RAD51B: variants seen among roughly 807,000 people sequenced by gnomAD.
RAD51B encodes DNA repair protein RAD51 homolog 2.
Under a neutral mutation model 42.2 loss-of-function variants are expected in RAD51B, and 38 were observed. That is an observed-to-expected ratio of 0.90 (90% CI 0.70 to 1.18). The LOEUF (loss-of-function observed/expected upper bound fraction) is 1.18. Ranked by LOEUF, RAD51B falls within the 50% of genes most tolerant of loss-of-function variation. The pLI is 0.00. For synonymous variants in RAD51B, 154 were observed against 145.2 expected (o/e 1.06, Z -0.43); for missense variants, 373 against 400.7 (o/e 0.93, Z 0.59).
chr14:68,117,228 A>AT (rs1481322674), intron 7 of RAD51B, among the ~76,000 whole-genome samples: 1 of 152,092 alleles, frequency 6.6e-6, no homozygotes, highest in Non-Finnish European at 1.5e-5. Context: ...AGTTTTATAT[A>AT]TTTTTTATTT....
At chr14:68,437,248 C>T (rs917973677) in intron 9 of RAD51B, among the ~76,000 whole-genome samples, 6 of 151,992 alleles carry the variant, frequency 3.9e-5, no homozygotes, top group South Asian at 2.1e-4. Context: ...CAGAAGCTTC[C>T]GCATCTATTG....
intron 7 of RAD51B, among the ~76,000 whole-genome samples, chr14:68,283,279 T>C (rs780258929): frequency 3.3e-5 from 5 of 152,130 alleles, no homozygotes; most frequent in Non-Finnish European, 5.9e-5. Context: ...CCTCTGCCTT[T>C]CTATGGGACT....
rs35948063 is a variant in RAD51B, at chr14:68,477,787, G to C, written c.*123G>C. 1 of 1,535,772 alleles carries C rather than the reference G, an allele frequency of 6.5e-7. No individual in the cohort carries two copies. The highest frequency in any genetic ancestry group is 2.4e-5 in the Admixed American group (1 of 41,968). On this transcript the variant is annotated 3_prime_UTR_variant, in exon 11 of 11. Transcript: ENST00000471583. ...GGGGATTAATTAGTTGATTGCTGTTGAGATGGTAACAGATTTGCTCCTAAA... is the reference window on the plus strand; with the variant it reads ...GGGGATTAATTAGTTGATTGCTGTTCAGATGGTAACAGATTTGCTCCTAAA...
At chr14:68,604,123 G>A (rs1048535739) in intron 10 of RAD51B, among the ~76,000 whole-genome samples, 3 of 152,236 alleles carry the variant, frequency 2.0e-5, no homozygotes, top group Non-Finnish European at 4.4e-5. Context: ...AAGCGCAGAC[G>A]TCTCCTGGCT....
chr14:68,608,928 G>C, intron 10 of RAD51B, among the ~76,000 whole-genome samples: 1 of 152,076 alleles, frequency 6.6e-6, no homozygotes, highest in East Asian at 1.9e-4. Context: ...CTCCTCCGGG[G>C]CCCCCACTTC....
At chr14:67,998,021 G>A (rs920436170) in intron 7 of RAD51B, among the ~76,000 whole-genome samples, 1 of 152,190 alleles carries the variant, frequency 6.6e-6, no homozygotes, top group African/African-American at 2.4e-5. Flanking sequence ...TTTGACACTT[G>A]TTAGAGTTTG....
At chr14:68,361,135 G>A (rs1365893743) in intron 8 of RAD51B, among the ~76,000 whole-genome samples, 1 of 152,176 alleles carries the variant, frequency 6.6e-6, no homozygotes, top group Admixed American at 6.5e-5. Context: ...GAGACAAGGA[G>A]GGCAGGAGAA....
At chr14:68,284,850 C>T (rs767632155) in intron 7 of RAD51B, among the ~76,000 whole-genome samples, 11 of 151,720 alleles carry the variant, frequency 7.3e-5, no homozygotes, top group African/African-American at 1.2e-4. Context: ...GTTTTTGTGA[C>T]GCTCAAACTC....
intron 8 of RAD51B, among the ~76,000 whole-genome samples, chr14:68,321,924 G>A (rs1328429351): frequency 6.6e-6 from 1 of 151,794 alleles, no homozygotes; most frequent in Non-Finnish European, 1.5e-5. Flanking sequence ...TGAGTAGCTG[G>A]GACCACACCT....
At chr14:67,880,720 G>A (rs1016026531) in intron 5 of RAD51B, among the ~76,000 whole-genome samples, 12 of 151,742 alleles carry the variant, frequency 7.9e-5, no homozygotes, top group Non-Finnish European at 1.6e-4. Flanking sequence ...TCCTTTACTT[G>A]TCTGGTAATT....
At chr14:68,564,707 C>T (rs746432946) in intron 10 of RAD51B, among the ~76,000 whole-genome samples, 9 of 152,208 alleles carry the variant, frequency 5.9e-5, no homozygotes, top group Non-Finnish European at 1.2e-4. Flanking sequence ...GGCTGGCTTT[C>T]AGGCCTGGTG....
At chr14:68,185,008 G>A (rs1595523404) in intron 7 of RAD51B, among the ~76,000 whole-genome samples, 1 of 152,146 alleles carries the variant, frequency 6.6e-6, no homozygotes, top group Non-Finnish European at 1.5e-5. Flanking sequence ...TGGTTATAAT[G>A]TTGTATCTAG....
chr14:68,560,120 G>A (rs1056178946), intron 10 of RAD51B, among the ~76,000 whole-genome samples: 1 of 152,020 alleles, frequency 6.6e-6, no homozygotes, highest in Admixed American at 6.5e-5. Flanking sequence ...AGTGACTTCT[G>A]ACGAGCATAC....
At chr14:68,594,463 C>G in intron 10 of RAD51B, 1 of 1,362,256 alleles carries the variant, frequency 7.3e-7, no homozygotes. Context: ...CTTTGACTTC[C>G]TTTTTTTTCT....
In RAD51B at chr14:67,885,992, T is replaced by A; in HGVS notation, c.572+4T>A. On this transcript the variant is annotated splice_donor_region_variant and intron_variant, in intron 6 of 10. Coordinates refer to ENST00000471583, the MANE Select transcript of RAD51B (RefSeq NM_133510.4). ...CCTGTGATGAAGTTCTACAAAGGTA[T>A]GCTGCTTTAGATTTTGATTTTTTAG... 1 of 1,574,736 alleles carries A rather than the reference T, an allele frequency of 6.4e-7. No individual in the cohort carries two copies. The highest frequency in any genetic ancestry group is 8.7e-7 in the Non-Finnish European group (1 of 1,153,658).
intron 8 of RAD51B, among the ~76,000 whole-genome samples, chr14:68,351,232 T>G (rs1566826511): frequency 6.6e-6 from 1 of 152,152 alleles, no homozygotes. Flanking sequence ...AAATAGGGTT[T>G]CAACTGGTGG....
intron 7 of RAD51B, among the ~76,000 whole-genome samples, chr14:68,159,721 C>T (rs191060312): frequency 6.6e-6 from 1 of 152,008 alleles, no homozygotes; most frequent in East Asian, 1.9e-4. Flanking sequence ...GCTTTCTAAC[C>T]ATTTACTACT....
chr14:68,014,201 T>TTC (rs1308650522), intron 7 of RAD51B, among the ~76,000 whole-genome samples: 1 of 70,232 alleles, frequency 1.4e-5, no homozygotes, highest in African/African-American at 1.0e-4. Flanking sequence ...TTTTCTTTCT[T>TTC]TTTTTTTTTT....
At chr14:67,893,157 A>G (rs1363700140) in intron 7 of RAD51B, among the ~76,000 whole-genome samples, 2 of 152,016 alleles carry the variant, frequency 1.3e-5, no homozygotes, top group African/African-American at 2.4e-5. Context: ...AACTGGCAAG[A>G]TGTATTGTAG....
Sources: allele counts gnomAD v4.1 joint callset (sites outside exome capture counted in the v4.1 genomes callset), GRCh38; gene constraint gnomAD v4.1.1; transcripts MANE v1.5; gene names NCBI Gene and HGNC (gene_info 2026-07-23, HGNC 2026-07-21).